PTPRG: variants seen among roughly 807,000 people sequenced by gnomAD.
PTPRG encodes protein tyrosine phosphatase receptor type G.
PTPRG carries 102 observed loss-of-function variants against 165.3 expected under a neutral mutation model. The ratio of observed to expected loss-of-function variants is 0.62; its 90% CI spans 0.53 to 0.73. The LOEUF (loss-of-function observed/expected upper bound fraction) is 0.73. Among genes scored for constraint, PTPRG ranks in the 30% least tolerant of loss-of-function variants. The probability of loss-of-function intolerance (pLI) is 0.00; values close to 1 mark genes in which losing one functional copy is unlikely to be tolerated. For missense variants in PTPRG, 1,866 were observed against 1,861.4 expected (o/e 1.00, Z -0.05); for synonymous variants, 675 against 669.5 (o/e 1.01, Z -0.13).
At chr3:61,625,520 G>A (rs780451654) in intron 1 of PTPRG, among the ~76,000 whole-genome samples, 11 of 152,098 alleles carry the variant, frequency 7.2e-5, no homozygotes, top group Admixed American at 1.3e-4. Flanking sequence ...CTCTTAGGAC[G>A]CTCTTCGATT....
chr3:62,086,648 G>T (rs187626624), intron 5 of PTPRG, among the ~76,000 whole-genome samples: 1 of 152,090 alleles, frequency 6.6e-6, no homozygotes, highest in Non-Finnish European at 1.5e-5. Context: ...ACCTAGAAGT[G>T]CAATTTCAGA....
At chr3:61,563,445 C>G (rs1256300284) in intron 1 of PTPRG, among the ~76,000 whole-genome samples, 1 of 152,144 alleles carries the variant, frequency 6.6e-6, no homozygotes, top group East Asian at 1.9e-4. Context: ...GCCTCCCTCT[C>G]CTCTCTTGCA....
intron 1 of PTPRG, among the ~76,000 whole-genome samples, chr3:61,662,577 G>T (rs2365935): frequency 2.6e-5 from 4 of 152,114 alleles, no homozygotes; most frequent in Non-Finnish European, 4.4e-5. Flanking sequence ...AAGCCATTAC[G>T]TTGTGGGATA....
intron 2 of PTPRG, among the ~76,000 whole-genome samples, chr3:61,957,905 G>T (rs555769253): frequency 5.9e-5 from 9 of 152,298 alleles, no homozygotes; most frequent in Admixed American, 5.9e-4. Flanking sequence ...TCTGAAAGCA[G>T]ATGTCTGTAT....
At position 61,696,933 on chromosome 3, in the gene PTPRG, C is replaced by G. The variant is rs191113927; in HGVS notation, c.86-51945C>G. 4.5e-3 allele frequency among the ~76,000 whole-genome samples: 681 copies of G among 152,254 alleles called. 7 individuals are homozygous for G. Among genetic ancestry groups the G allele is most frequent in the African/African-American group, 0.016 (662 of 41,562 alleles). On this transcript the variant is annotated intron_variant, in intron 1 of 29. Transcript: ENST00000474889. The stretch of plus-strand genomic sequence containing the variant: ...AAACTTTCTGAGCTTTAAATTTTTC[C>G]TCTACTCAGTGGGGATGATGACAGA...
chr3:62,062,460 A>C (rs1253378897), intron 4 of PTPRG, among the ~76,000 whole-genome samples: 1 of 152,198 alleles, frequency 6.6e-6, no homozygotes, highest in African/African-American at 2.4e-5. Flanking sequence ...CTTTTAGTTA[A>C]TAAAATGTTG....
intron 2 of PTPRG, among the ~76,000 whole-genome samples, chr3:61,839,612 A>G (rs944513037): frequency 2.0e-5 from 3 of 152,188 alleles, no homozygotes; most frequent in African/African-American, 7.2e-5. Context: ...TAGCAACAGT[A>G]CTTTCGTATT....
intron 1 of PTPRG, among the ~76,000 whole-genome samples, chr3:61,637,145 A>G (rs533148650): frequency 6.6e-6 from 1 of 152,206 alleles, no homozygotes; most frequent in Non-Finnish European, 1.5e-5. Context: ...ATTCATATGC[A>G]ATATTTTCAA....
At chr3:61,840,152 C>T (rs1019623868) in intron 2 of PTPRG, among the ~76,000 whole-genome samples, 1 of 152,134 alleles carries the variant, frequency 6.6e-6, no homozygotes, top group African/African-American at 2.4e-5. Context: ...AGGGTCTAGG[C>T]ACTTGTAATG....
At chr3:61,715,662 C>T (rs1291507276) in intron 1 of PTPRG, among the ~76,000 whole-genome samples, 2 of 152,120 alleles carry the variant, frequency 1.3e-5, no homozygotes, top group Admixed American at 6.6e-5. Context: ...GACTGCCTAA[C>T]TGCCTGCAGT....
chr3:62,098,765 A>G (rs1483768952), intron 5 of PTPRG, among the ~76,000 whole-genome samples: 2 of 152,140 alleles, frequency 1.3e-5, no homozygotes, highest in East Asian at 1.9e-4. Context: ...AGACATGCTA[A>G]GTATGTTTAT....
chr3:62,216,681 A>C (rs560286642), intron 12 of PTPRG, among the ~76,000 whole-genome samples: 44 of 152,214 alleles, frequency 2.9e-4, no homozygotes, highest in African/African-American at 1.0e-3. Flanking sequence ...TGATGGAGAG[A>C]AGGCATGCCT....
intron 2 of PTPRG, among the ~76,000 whole-genome samples, chr3:61,799,571 C>T (rs1015187044): frequency 6.6e-6 from 1 of 152,124 alleles, no homozygotes; most frequent in Admixed American, 6.5e-5. Flanking sequence ...TTGGATTTAC[C>T]TAAAGTTTTC....
intron 1 of PTPRG, among the ~76,000 whole-genome samples, chr3:61,562,981 T>C (rs1699801757): frequency 6.6e-6 from 1 of 152,038 alleles, no homozygotes; most frequent in Non-Finnish European, 1.5e-5. Flanking sequence ...CGGGCAGCAC[T>C]TCGGTGCCGG....
chr3:61,881,124 A>T (rs1336562956), intron 2 of PTPRG, among the ~76,000 whole-genome samples: 3 of 152,096 alleles, frequency 2.0e-5, no homozygotes, highest in Non-Finnish European at 4.4e-5. Flanking sequence ...CATCAAATTT[A>T]ACATCATATA....
intron 2 of PTPRG, among the ~76,000 whole-genome samples, chr3:61,806,096 T>C (rs11711799): frequency 0.096 from 14,558 of 152,224 alleles, 972 homozygotes; most frequent in East Asian, 0.21. Flanking sequence ...GTTGAATTGA[T>C]AAGCATCGAA....
intron 2 of PTPRG, among the ~76,000 whole-genome samples, chr3:61,764,321 A>T (rs2033946661): frequency 2.0e-5 from 3 of 152,200 alleles, no homozygotes; most frequent in Admixed American, 1.3e-4. Flanking sequence ...TCCTCATACC[A>T]GTCTTCATTC....
chr3:62,234,507 C>A (rs1351880135), intron 14 of PTPRG, among the ~76,000 whole-genome samples: 2 of 151,646 alleles, frequency 1.3e-5, no homozygotes. Flanking sequence ...CAAACTTTGG[C>A]CTTTTTACTA....
chr3:62,295,101 T>C lies in PTPRG; in HGVS notation c.*1794T>C, dbSNP rs938284173. The C allele has an allele frequency of 7.9e-5, 12 of 152,156 alleles. No individual in the cohort carries two copies. The highest frequency in any genetic ancestry group is 1.8e-4 in the Non-Finnish European group (12 of 68,014). 9.4% of individuals were successfully genotyped at this position (152,156 alleles called of 1,614,324 possible). ...ATAGATTTAACAACATGGAATACTC[T>C]GCTTTTCAAGAGCTGCGTAAGCTAG... On this transcript the variant is annotated 3_prime_UTR_variant, in exon 30 of 30. Coordinates refer to ENST00000474889, the MANE Select transcript of PTPRG (RefSeq NM_002841.4).
Sources: allele counts gnomAD v4.1 joint callset (sites outside exome capture counted in the v4.1 genomes callset), GRCh38; gene constraint gnomAD v4.1.1; transcripts MANE v1.5; gene names NCBI Gene and HGNC (gene_info 2026-07-23, HGNC 2026-07-21).